IL20RA: variants seen among roughly 807,000 people sequenced by gnomAD.
The protein encoded by IL20RA is interleukin 20 receptor subunit alpha.
IL20RA carries 29 observed loss-of-function variants against 36.5 expected under a neutral mutation model. The observed-to-expected ratio is 0.79, with a 90% CI of 0.59 to 1.08. The LOEUF (loss-of-function observed/expected upper bound fraction) is 1.08, where lower values mean the gene tolerates loss of function less well. IL20RA is among the 50% of genes least tolerant of loss of function. IL20RA has a pLI of 0.00. For synonymous variants in IL20RA, 279 were observed against 267.1 expected (o/e 1.04, Z -0.43); for missense variants, 652 against 668.4 (o/e 0.98, Z 0.27).
intron 6 of IL20RA, among the ~76,000 whole-genome samples, chr6:137,002,624 C>G (rs1429057244): frequency 6.6e-6 from 1 of 152,232 alleles, no homozygotes; most frequent in African/African-American, 2.4e-5. Flanking sequence ...GTTGGTGCCC[C>G]CTCTTCTAAC....
chr6:137,044,338 G>T, intron 1 of IL20RA: 1 of 1,057,470 alleles, frequency 9.5e-7, no homozygotes, highest in Non-Finnish European at 1.1e-6. Context: ...TGGGCACCGC[G>T]CAGAGCGCAC....
chr6:137,044,382 C>G, intron 1 of IL20RA: 1 of 1,029,916 alleles, frequency 9.7e-7, no homozygotes, highest in Non-Finnish European at 1.2e-6. Context: ...CACCTCAATT[C>G]TCGAGACCGA....
intron 3 of IL20RA, among the ~76,000 whole-genome samples, chr6:137,010,159 A>G (rs1775433863): frequency 6.6e-6 from 1 of 152,224 alleles, no homozygotes; most frequent in African/African-American, 2.4e-5. Flanking sequence ...ACATGACTTG[A>G]TAAGTGGAAA....
intron 1 of IL20RA, among the ~76,000 whole-genome samples, chr6:137,024,126 A>C (rs1776006129): frequency 6.6e-6 from 1 of 152,170 alleles, no homozygotes; most frequent in South Asian, 2.1e-4. Flanking sequence ...AACAAGAGTT[A>C]GCACTTTTAT....
At chr6:137,025,424 C>T (rs776513557) in intron 1 of IL20RA, among the ~76,000 whole-genome samples, 26 of 152,216 alleles carry the variant, frequency 1.7e-4, no homozygotes, top group Non-Finnish European at 3.4e-4. Flanking sequence ...ACTTCCCAGC[C>T]TTAGAAGTGT....
intron 3 of IL20RA, among the ~76,000 whole-genome samples, chr6:137,009,855 C>T (rs536823899): frequency 1.4e-4 from 22 of 152,198 alleles, no homozygotes; most frequent in East Asian, 3.9e-4. Flanking sequence ...CCGTCCACCT[C>T]GGCCTCCCAA....
intron 2 of IL20RA, among the ~76,000 whole-genome samples, chr6:137,016,649 T>G (rs1388615553): frequency 6.6e-6 from 1 of 152,190 alleles, no homozygotes; most frequent in Non-Finnish European, 1.5e-5. Context: ...AGGATGCCTA[T>G]AATTCCAAAC....
At chr6:137,020,348 G>C (rs1196181997) in intron 1 of IL20RA, among the ~76,000 whole-genome samples, 2 of 152,148 alleles carry the variant, frequency 1.3e-5, no homozygotes, top group Non-Finnish European at 2.9e-5. Flanking sequence ...GCCCTTACTG[G>C]AATCCTGACC....
At chr6:137,007,136 T>G (rs1199522929) in intron 5 of IL20RA, among the ~76,000 whole-genome samples, 3 of 152,224 alleles carry the variant, frequency 2.0e-5, no homozygotes, top group African/African-American at 7.2e-5. Flanking sequence ...CCACTGGAAA[T>G]TCATTCCCAC....
rs1312753586 is a variant in IL20RA, at chr6:137,002,063, T to G, written c.1157A>C (p.Glu386Ala). The G allele has an allele frequency of 1.2e-6, 2 of 1,614,228 alleles. No individual in the cohort carries two copies. The highest frequency in any genetic ancestry group is 3.3e-5 in the Admixed American group (2 of 60,024). The change falls in exon 7 of 7, where the codon GAG becomes GCG. Residue 386 changes from glutamate to alanine, a missense_variant. Coordinates refer to ENST00000316649, the MANE Select transcript of IL20RA (RefSeq NM_014432.4). The part of the protein sequence containing the change: ...NTEGTSLTQQ[E>A]SLSRTIPPDK... Reference sequence around the variant, plus strand: ...CGGGGGTATTGTTCTGCTGAGGGACTCTTGCTGGGTGAGAGAAGTACCTTC... The same window carrying G: ...CGGGGGTATTGTTCTGCTGAGGGACGCTTGCTGGGTGAGAGAAGTACCTTC...
At chr6:137,004,790 C>A in intron 5 of IL20RA, 30 bp from the exon 6 acceptor site, 1 of 1,563,522 alleles carries the variant, frequency 6.4e-7, no homozygotes, top group South Asian at 1.2e-5. Context: ...GGTGGGAATT[C>A]GGGGGAAGGG....
At chr6:137,004,033 C>T (rs1775175575) in intron 6 of IL20RA, among the ~76,000 whole-genome samples, 1 of 152,054 alleles carries the variant, frequency 6.6e-6, no homozygotes, top group South Asian at 2.1e-4. Context: ...TAGGCTTGAA[C>T]TTCTAGAAGG....
intron 2 of IL20RA, among the ~76,000 whole-genome samples, chr6:137,016,133 C>T (rs553863687): frequency 9.2e-5 from 14 of 152,292 alleles, no homozygotes; most frequent in Admixed American, 2.0e-4. Context: ...CTCCTGACCC[C>T]GGCTCATTCC....
At chr6:137,014,701 C>T (rs1272041279) in intron 2 of IL20RA, among the ~76,000 whole-genome samples, 4 of 147,374 alleles carry the variant, frequency 2.7e-5, no homozygotes, top group Non-Finnish European at 5.9e-5. Flanking sequence ...ACTTATAGTT[C>T]CCCCCCCCTT....
At chr6:137,030,433 G>A (rs577648007) in intron 1 of IL20RA, among the ~76,000 whole-genome samples, 1 of 152,208 alleles carries the variant, frequency 6.6e-6, no homozygotes, top group African/African-American at 2.4e-5. Flanking sequence ...AAGCTGAAAA[G>A]CAACAGCAAG....
intron 1 of IL20RA, among the ~76,000 whole-genome samples, chr6:137,024,606 G>A (rs750645015): frequency 1.3e-5 from 2 of 152,132 alleles, no homozygotes; most frequent in Non-Finnish European, 2.9e-5. Flanking sequence ...TTGCAATTCT[G>A]CCAAATGCAC....
At chr6:137,029,061 C>T (rs1338164930) in intron 1 of IL20RA, among the ~76,000 whole-genome samples, 7 of 152,178 alleles carry the variant, frequency 4.6e-5, no homozygotes, top group African/African-American at 1.4e-4. Context: ...GAAAAGGGAG[C>T]TTATGAAATT....
At chr6:137,021,027 G>T (rs1775881616) in intron 1 of IL20RA, among the ~76,000 whole-genome samples, 1 of 145,098 alleles carries the variant, frequency 6.9e-6, no homozygotes, top group Non-Finnish European at 1.5e-5. Context: ...TTATGACATG[G>T]TCTGCTGGTT....
chr6:137,029,941 T>TGAAAAAAATAATAGAAAAGGTA (rs1562240212), intron 1 of IL20RA, among the ~76,000 whole-genome samples: 1 of 149,792 alleles, frequency 6.7e-6, no homozygotes, highest in Non-Finnish European at 1.5e-5. Context: ...ATAGAAAAGG[T>TGAAAAAAATAATAGAAAAGGTA]AAAAAAAAAT....
Sources: allele counts gnomAD v4.1 joint callset (sites outside exome capture counted in the v4.1 genomes callset), GRCh38; gene constraint gnomAD v4.1.1; transcripts MANE v1.5; gene names NCBI Gene and HGNC (gene_info 2026-07-23, HGNC 2026-07-21).